Variants in DCC observed in about 807,000 individuals in gnomAD.
DCC encodes DCC netrin 1 receptor.
In DCC, 58 loss-of-function variants were observed where a neutral mutation model predicts 172.5. The ratio of observed to expected loss-of-function variants is 0.34; its 90% CI spans 0.27 to 0.42. DCC has a LOEUF of 0.42. DCC is among the 10% of genes least tolerant of loss of function. The probability of loss-of-function intolerance (pLI) is 1.00; values close to 1 mark genes in which losing one functional copy is unlikely to be tolerated. For missense variants in DCC, 1,740 were observed against 1,791.0 expected, an observed-to-expected ratio of 0.97 and a Z score of 0.51; for synonymous variants, 709 against 644.5, an observed-to-expected ratio of 1.10 and a Z score of -1.52.
chr18:52,762,607 T>G (rs1383556017), intron 2 of DCC, among the ~76,000 whole-genome samples: 5 of 152,190 alleles, frequency 3.3e-5, no homozygotes, highest in Non-Finnish European at 7.3e-5. Flanking sequence ...GAGGATCACT[T>G]AAAGACAGGA....
intron 27 of DCC, among the ~76,000 whole-genome samples, chr18:53,511,321 T>C (rs1401359956): frequency 6.6e-6 from 1 of 152,250 alleles, no homozygotes; most frequent in Non-Finnish European, 1.5e-5. Flanking sequence ...CCTCCCTGAC[T>C]ACAAGAATAT....
In DCC at chr18:53,397,319, A is replaced by C; in HGVS notation, c.2700A>C (p.Thr900=). The change falls in exon 18 of 29, where the codon ACA becomes ACC. Residue 900 remains threonine (T), a synonymous_variant. Transcript: ENST00000442544. ...TCCTACTTGTATAGTCAGAAGACAC[A>C]ACATCTCTAAGTTACACAGCAACAG... ...SASAKYKSED[T]TSLSYTATGL... The C allele has an allele frequency of 6.2e-7, 1 of 1,613,708 alleles. No homozygotes were observed. The highest frequency in any genetic ancestry group is 8.5e-7 in the Non-Finnish European group (1 of 1,179,772).
intron 1 of DCC, among the ~76,000 whole-genome samples, chr18:52,497,253 C>A (rs2030794613): frequency 3.6e-5 from 2 of 56,300 alleles, no homozygotes; most frequent in Admixed American, 2.7e-4. Context: ...AGAGTGAGAC[C>A]CTGTATCAAA....
intron 15 of DCC, among the ~76,000 whole-genome samples, chr18:53,375,404 T>A (rs1020959114): frequency 2.0e-5 from 3 of 152,152 alleles, no homozygotes; most frequent in Non-Finnish European, 4.4e-5. Flanking sequence ...AGGAAGGAAT[T>A]ACAAACATCT....
intron 1 of DCC, among the ~76,000 whole-genome samples, chr18:52,395,380 C>T (rs1401959197): frequency 5.3e-5 from 8 of 151,966 alleles, no homozygotes; most frequent in Non-Finnish European, 1.0e-4. Context: ...GCTCTGTTTG[C>T]GGTATTGCTC....
At chr18:52,567,959 T>C (rs2033200432) in intron 1 of DCC, among the ~76,000 whole-genome samples, 1 of 152,138 alleles carries the variant, frequency 6.6e-6, no homozygotes. Context: ...ACAGAGCACC[T>C]ACAAAACTGA....
chr18:52,371,183 A>G (rs1306947938), intron 1 of DCC, among the ~76,000 whole-genome samples: 1 of 152,126 alleles, frequency 6.6e-6, no homozygotes, highest in Non-Finnish European at 1.5e-5. Context: ...CTAGTCTATC[A>G]CTTCTTGAAA....
chr18:53,427,786 C>G (rs1599136972), intron 21 of DCC, among the ~76,000 whole-genome samples: 1 of 137,738 alleles, frequency 7.3e-6, no homozygotes, highest in East Asian at 2.2e-4. Context: ...GAGGAGTAAC[C>G]AATGTGCTTC....
intron 7 of DCC, among the ~76,000 whole-genome samples, chr18:53,069,754 T>C (rs576268416): frequency 6.6e-6 from 1 of 152,088 alleles, no homozygotes; most frequent in Admixed American, 6.5e-5. Flanking sequence ...AAGCCCTAAA[T>C]AGAAGGGAGA....
intron 1 of DCC, among the ~76,000 whole-genome samples, chr18:52,619,370 C>T (rs956585384): frequency 6.6e-6 from 1 of 152,138 alleles, no homozygotes; most frequent in African/African-American, 2.4e-5. Flanking sequence ...GATCATATTC[C>T]TTTTGAAAAC....
Position 52,534,519 on chromosome 18 carries a change from A to G in DCC, c.91+193641A>G, listed in dbSNP as rs142475729. Among the ~76,000 whole-genome samples the G allele has an allele frequency of 1.3e-3, 201 of 152,272 alleles. 1 individual carries two copies. Among genetic ancestry groups the G allele is most frequent in the African/African-American group, 4.8e-3 (200 of 41,554 alleles). On this transcript the variant is annotated intron_variant, in intron 1 of 28. Transcript: ENST00000442544. ...CCCTATGGTCTAAGTCATCTTACAT[A>G]TAAAGAAATTAAGATGTATTCATTT...
intron 1 of DCC, among the ~76,000 whole-genome samples, chr18:52,548,986 A>G (rs1156905193): frequency 1.3e-5 from 2 of 152,080 alleles, no homozygotes; most frequent in Non-Finnish European, 2.9e-5. Flanking sequence ...CTTCCTACAC[A>G]TATTTCCCTT....
rs1568125063 is a variant in DCC at position 53,427,949 on chromosome 18, T to TA, written c.3164-7194dup. Among the ~76,000 whole-genome samples, 2 of 70,886 alleles carry TA rather than the reference T, an allele frequency of 2.8e-5. 1 individual carries two copies. The highest frequency in any genetic ancestry group is 6.0e-5 in the Non-Finnish European group (2 of 33,376). The allele number at this position is 70,886 out of a possible 152,430, so 46.5% of individuals were successfully genotyped here. On this transcript the variant is annotated intron_variant, in intron 21 of 28. Coordinates refer to ENST00000442544, the MANE Select transcript of DCC (RefSeq NM_005215.4). The stretch of plus-strand genomic sequence containing the variant: ...TATAATATAATATAATATATTATAA[T>TA]ATATAATATAATAATATAATATATA...
intron 1 of DCC, among the ~76,000 whole-genome samples, chr18:52,367,037 G>A (rs1984898747): frequency 6.6e-6 from 1 of 152,218 alleles, no homozygotes; most frequent in South Asian, 2.1e-4. Context: ...TACAGGTCCC[G>A]AGCCCTGCCC....
chr18:52,550,816 T>C (rs1397827885), intron 1 of DCC, among the ~76,000 whole-genome samples: 10 of 152,228 alleles, frequency 6.6e-5, no homozygotes, highest in Admixed American at 5.9e-4. Context: ...TGTAAGATGT[T>C]AATAATGGGA....
At chr18:52,747,942 A>T (rs1401730071) in intron 1 of DCC, among the ~76,000 whole-genome samples, 6 of 152,202 alleles carry the variant, frequency 3.9e-5, no homozygotes, top group Admixed American at 3.9e-4. Flanking sequence ...GAAATCTTCC[A>T]CAACACGCAG....
intron 1 of DCC, among the ~76,000 whole-genome samples, chr18:52,690,052 C>G (rs1160967033): frequency 8.5e-5 from 13 of 152,146 alleles, no homozygotes; most frequent in African/African-American, 3.1e-4. Flanking sequence ...GATCCACAAG[C>G]TCAGTCAAGC....
chr18:53,530,969 T>G lies in DCC; in HGVS notation c.*316T>G. On this transcript the variant is annotated 3_prime_UTR_variant, in exon 29 of 29. Coordinates refer to ENST00000442544, the MANE Select transcript of DCC (RefSeq NM_005215.4). ...GCAGTGACCACACTGTCATAACTAA[T>G]ACCTATGTTTTCCTTTGTCAAGGCC... 1 of 442,134 alleles carries G rather than the reference T, an allele frequency of 2.3e-6. No individual in the cohort carries two copies. 27.4% of individuals were successfully genotyped at this position (442,134 alleles called of 1,614,324 possible).
intron 5 of DCC, among the ~76,000 whole-genome samples, chr18:53,047,804 C>G (rs186298644): frequency 6.6e-6 from 1 of 151,522 alleles, no homozygotes; most frequent in Admixed American, 6.6e-5. Flanking sequence ...AACCTCTCTA[C>G]GCCTTATTTT....
Sources: gnomAD v4.1 joint callset for allele counts (sites outside exome capture counted in the v4.1 genomes callset) on GRCh38, gnomAD v4.1.1 for gene constraint, MANE v1.5 for transcripts, NCBI Gene and HGNC (gene_info 2026-07-23, HGNC 2026-07-21) for gene names.